Variants in DNAJC11 observed in about 807,000 individuals in gnomAD.
The protein encoded by DNAJC11 is DnaJ heat shock protein family (Hsp40) member C11, also known as dnaJ homolog subfamily C member 11.
DNAJC11 carries 15 observed loss-of-function variants against 78.6 expected under a neutral mutation model. The ratio of observed to expected loss-of-function variants is 0.19; its 90% CI spans 0.13 to 0.29. The LOEUF is 0.29. DNAJC11 is among the 10% of genes least tolerant of loss of function. The pLI is 1.00. For synonymous variants in DNAJC11, 292 were observed against 272.1 expected (o/e 1.07, Z -0.72); for missense variants, 547 against 709.6 (o/e 0.77, Z 2.60).
At chr1:6,665,153 G>T (rs1642275175) in intron 4 of DNAJC11, among the ~76,000 whole-genome samples, 1 of 152,242 alleles carries the variant, frequency 6.6e-6, no homozygotes, top group Admixed American at 6.5e-5. Context: ...CTGCAACCTT[G>T]AACTCCTGGG....
chr1:6,654,802 T>TG (rs2148734445), intron 4 of DNAJC11, among the ~76,000 whole-genome samples: 1 of 150,090 alleles, frequency 6.7e-6, no homozygotes, highest in Non-Finnish European at 1.5e-5. Context: ...TTTTTTGAGA[T>TG]GGAGTCTCGC....
Position 6,653,071 on chromosome 1 carries a change from A to G in DNAJC11, c.508-120T>C. The G allele has an allele frequency of 8.5e-7, 1 of 1,180,102 alleles. No homozygotes were observed. The highest frequency in any genetic ancestry group is 1.2e-6 in the Non-Finnish European group (1 of 825,082). 73.1% of individuals were successfully genotyped at this position (1,180,102 alleles called of 1,614,324 possible). A position where few individuals can be genotyped will look rare whatever the true frequency, so the allele number is the denominator to read the frequency against. On this transcript the variant is annotated intron_variant, in intron 5 of 15. Coordinates refer to ENST00000377577, the MANE Select transcript of DNAJC11 (RefSeq NM_018198.4). This position sits in a 1 kb window ranked among gnomAD's most constrained non-coding sequence, Gnocchi z 4.5. ...GGTGCAGACGATTCCTCTGTTCAGA[A>G]GCACACATGGATGCAGAACTGCCGC...
chr1:6,635,593 G>T lies in DNAJC11; in HGVS notation c.*82C>A. On this transcript the variant is annotated 3_prime_UTR_variant, in exon 16 of 16. Coordinates refer to ENST00000377577, the MANE Select transcript of DNAJC11 (RefSeq NM_018198.4). ...ATAATATAAAATAAAAACATCTGAT[G>T]TCTGGGTTTTTTCATTTCCAAATTT... The T allele has an allele frequency of 7.1e-7, 1 of 1,412,818 alleles. No homozygotes were observed. Among genetic ancestry groups the T allele is most frequent in the African/African-American group, 1.4e-5 (1 of 69,794 alleles). The allele number at this position is 1,412,818 out of a possible 1,614,324, so 87.5% of individuals were successfully genotyped here. A position where few individuals can be genotyped will look rare whatever the true frequency, so the allele number is the denominator to read the frequency against.
chr1:6,638,405 T>C (rs1416461931), intron 11 of DNAJC11, 41 bp from the exon 12 acceptor site: 1 of 1,588,988 alleles, frequency 6.3e-7, no homozygotes, highest in Non-Finnish European at 8.6e-7. Flanking sequence ...AGCGCGGCGC[T>C]GCCCAGCTTC....
At chr1:6,647,080 CTTTTTTTTT>C (rs70981396) in intron 7 of DNAJC11, among the ~76,000 whole-genome samples, 5 of 95,034 alleles carry the variant, frequency 5.3e-5, no homozygotes, top group African/African-American at 1.2e-4. Context: ...CTGGACAGGT[CTTTTTTTTT>C]TTTTTTTTTT....
rs775675083 is a variant in DNAJC11 at position 6,635,648 on chromosome 1, C to A, written c.*27G>T. ...ACTCCCAGGAAAAGATTTTTTGCGG[C>A]CTTTTAAAAATCTGGTTCTTGGCAG... On this transcript the variant is annotated 3_prime_UTR_variant, in exon 16 of 16. Transcript: ENST00000377577. 14 of 1,612,014 alleles carry A rather than the reference C, an allele frequency of 8.7e-6. No individual in the cohort carries two copies. In the South Asian group the frequency reaches 1.4e-4, roughly 17 times the overall value.
At chr1:6,643,565 G>A (rs1218378597) in intron 10 of DNAJC11, among the ~76,000 whole-genome samples, 1 of 152,164 alleles carries the variant, frequency 6.6e-6, no homozygotes, top group Non-Finnish European at 1.5e-5. Context: ...GTGAGCCACA[G>A]TGCCCGGCCA....
intron 14 of DNAJC11, among the ~76,000 whole-genome samples, chr1:6,636,560 C>T (rs1557463057): frequency 6.6e-6 from 1 of 152,166 alleles, no homozygotes; most frequent in Admixed American, 6.5e-5. Context: ...AAGACTCACA[C>T]ATGTTACAAG....
rs573423618 is a variant in DNAJC11 at position 6,645,435 on chromosome 1, C to T, written c.895-309G>A. ...AGGAGCAGTGGCCCGTGTGGGGCTT[C>T]TCATGTACCAGCCCTGGTGTGGCCA... On this transcript the variant is annotated intron_variant, in intron 8 of 15. Coordinates refer to ENST00000377577, the MANE Select transcript of DNAJC11 (RefSeq NM_018198.4). The surrounding 1 kb of genome is among the most constrained non-coding windows in gnomAD (Gnocchi z 4.1). Among the ~76,000 whole-genome samples, 264 of 152,338 alleles carry T rather than the reference C, an allele frequency of 1.7e-3. 1 individual carries two copies. Among genetic ancestry groups the T allele is most frequent in the Middle Eastern group, 6.8e-3 (2 of 294 alleles).
At chr1:6,685,985 T>C (rs1292621227) in intron 1 of DNAJC11, among the ~76,000 whole-genome samples, 1 of 152,248 alleles carries the variant, frequency 6.6e-6, no homozygotes, top group Non-Finnish European at 1.5e-5. Context: ...GTTGGTTCTA[T>C]TTGCGGTGAT....
intron 4 of DNAJC11, among the ~76,000 whole-genome samples, chr1:6,666,397 T>TC (rs895829273): frequency 7.4e-6 from 1 of 134,666 alleles, no homozygotes; most frequent in African/African-American, 2.8e-5. Context: ...TTTTTTTTTT[T>TC]TTTTTTTGAG....
chr1:6,649,666 G>C (rs188685900), intron 7 of DNAJC11, among the ~76,000 whole-genome samples: 2 of 152,088 alleles, frequency 1.3e-5, no homozygotes, highest in South Asian at 4.1e-4. Context: ...CCTGCAGAGC[G>C]TGGCAGGCAC....
Position 6,644,692 on chromosome 1 carries a change from G to A in DNAJC11, c.981-18C>T, listed in dbSNP as rs778206290. On this transcript the variant is annotated intron_variant, in intron 9 of 15. Transcript: ENST00000377577. Reference sequence around the variant, plus strand: ...AGCCTGCTCTGCAGGGAGAGAACGCGGTCTGTGCCTGTGCCCCTCATTCAT... The same window carrying A: ...AGCCTGCTCTGCAGGGAGAGAACGCAGTCTGTGCCTGTGCCCCTCATTCAT... 7.5e-6 allele frequency: 12 copies of A among 1,602,292 alleles called. No individual in the cohort carries two copies. Among genetic ancestry groups the A allele is most frequent in the Middle Eastern group, 1.7e-4 (1 of 6,038 alleles).
chr1:6,644,749 GC>G, intron 9 of DNAJC11, 75 bp from the exon 10 acceptor site: 2 of 1,293,194 alleles, frequency 1.5e-6, no homozygotes, highest in Non-Finnish European at 2.2e-6. Context: ...TTGAGAAGAG[GC>G]CAGGTACCTT....
intron 7 of DNAJC11, among the ~76,000 whole-genome samples, chr1:6,647,298 G>C (rs1641980990): frequency 6.6e-6 from 1 of 151,752 alleles, no homozygotes; most frequent in Admixed American, 6.6e-5. Flanking sequence ...GGCCAGACTG[G>C]TCTCGAATTC....
intron 1 of DNAJC11, among the ~76,000 whole-genome samples, chr1:6,688,902 C>T (rs1642699136): frequency 6.6e-6 from 1 of 152,170 alleles, no homozygotes; most frequent in South Asian, 2.1e-4. Context: ...TGTTAAGTAC[C>T]ATTATGTGCC....
intron 4 of DNAJC11, chr1:6,654,272 G>C: frequency 2.5e-6 from 1 of 400,962 alleles, no homozygotes; most frequent in Non-Finnish European, 4.6e-6. Flanking sequence ...TTGACCAGGA[G>C]AGCCGGTCCG....
Position 6,680,804 on chromosome 1 carries a change from T to C in DNAJC11, c.202+104A>G, listed in dbSNP as rs1007528237. On this transcript the variant is annotated intron_variant, in intron 2 of 15. Transcript: ENST00000377577. This position sits in a 1 kb window ranked among gnomAD's most constrained non-coding sequence, Gnocchi z 4.0. ...AGTACTAAACTAACCACCTGTTTTA[T>C]ATACCTCTAAGGACTCTCTTTTTCT... 1 of 1,404,394 alleles carries C rather than the reference T, an allele frequency of 7.1e-7. No homozygotes were observed. The highest frequency in any genetic ancestry group is 9.7e-7 in the Non-Finnish European group (1 of 1,034,442). The allele number at this position is 1,404,394 out of a possible 1,614,324, so 87.0% of individuals were successfully genotyped here.
chr1:6,641,577 A>T (rs996848447), intron 10 of DNAJC11, among the ~76,000 whole-genome samples: 5 of 151,358 alleles, frequency 3.3e-5, no homozygotes, highest in Middle Eastern at 3.4e-3. Flanking sequence ...TCACTCTGTC[A>T]TCTAGGCTGA....
Sources: allele counts gnomAD v4.1 joint callset (sites outside exome capture counted in the v4.1 genomes callset), GRCh38; gene constraint gnomAD v4.1.1; non-coding constraint Gnocchi (gnomAD v3.1); transcripts MANE v1.5; gene names NCBI Gene and HGNC (gene_info 2026-07-23, HGNC 2026-07-21).